LAMA3: variants seen among roughly 807,000 people sequenced by gnomAD.
LAMA3 encodes the protein laminin subunit alpha-3.
In LAMA3, 281 loss-of-function variants were observed where a neutral mutation model predicts 402.0. The ratio of observed to expected loss-of-function variants is 0.70; its 90% confidence interval spans 0.63 to 0.77. The LOEUF is 0.77. LAMA3 is among the 30% of genes least tolerant of loss of function. The pLI, the probability that LAMA3 is intolerant of heterozygous loss-of-function variation, is 0.00. For synonymous variants in LAMA3, 1,431 were observed against 1,558.4 expected, an observed-to-expected ratio of 0.92 and a Z score of 1.93; for missense variants, 3,840 against 4,215.5, an observed-to-expected ratio of 0.91 and a Z score of 2.47.
At chr18:23,915,553 C>T in intron 59 of LAMA3, 131 bp downstream of exon 59, 2 of 830,112 alleles carry the variant, frequency 2.4e-6, no homozygotes, top group Middle Eastern at 3.2e-4. Flanking sequence ...AGTAGTTCTT[C>T]AAGTATGTGT....
chr18:23,801,561 A>G (rs565758674), intron 12 of LAMA3, among the ~76,000 whole-genome samples: 2 of 152,342 alleles, frequency 1.3e-5, no homozygotes, highest in East Asian at 3.9e-4. Context: ...ATAGATACTC[A>G]GTAGTGAGAT....
At chr18:23,767,578 C>CCTTTTTTTTTTTTTTTTTTTTTTTTTT (rs781431700) in intron 8 of LAMA3, among the ~76,000 whole-genome samples, 1 of 125,806 alleles carries the variant, frequency 7.9e-6, no homozygotes, top group African/African-American at 3.0e-5. Flanking sequence ...TCTTTCTTTT[C>CCTTTTTTTTTTTTTTTTTTTTTTTTTT]TTTTTTTTTT....
At chr18:23,935,427 G>A (rs1154238) in intron 67 of LAMA3, among the ~76,000 whole-genome samples, 133,765 of 152,256 alleles carry the variant, frequency 0.88, 59,742 homozygotes, top group Non-Finnish European at 0.97. Flanking sequence ...TGTGGAAAAC[G>A]TCAGCGAATA....
intron 1 of LAMA3, among the ~76,000 whole-genome samples, chr18:23,708,942 T>A (rs992841306): frequency 5.2e-5 from 7 of 135,338 alleles, no homozygotes; most frequent in African/African-American, 8.1e-5. Flanking sequence ...AAAAAAAAAA[T>A]GTTTTTCTTG....
At chr18:23,770,504 G>A (rs1188285254) in intron 8 of LAMA3, among the ~76,000 whole-genome samples, 1 of 152,222 alleles carries the variant, frequency 6.6e-6, no homozygotes, top group Admixed American at 6.5e-5. Flanking sequence ...GCTCACGCCT[G>A]TAATCCCAGC....
chr18:23,915,676 G>A (rs2081586383), intron 59 of LAMA3, among the ~76,000 whole-genome samples: 1 of 151,974 alleles, frequency 6.6e-6, no homozygotes. Context: ...GAAAATTTTT[G>A]TGCCTCCTAC....
chr18:23,746,024 T>C (rs989765385), intron 2 of LAMA3, among the ~76,000 whole-genome samples: 1 of 152,228 alleles, frequency 6.6e-6, no homozygotes, highest in Admixed American at 6.5e-5. Flanking sequence ...CTTCACTACA[T>C]AATAATGGGA....
intron 50 of LAMA3, 102 bp downstream of exon 50, chr18:23,904,189 A>G (rs1357107071): frequency 7.3e-7 from 1 of 1,371,372 alleles, no homozygotes; most frequent in East Asian, 2.3e-5. Context: ...GGTCTCCAGA[A>G]CTGGGTGGAG....
intron 70 of LAMA3, 69 bp from the exon 71 acceptor site, chr18:23,949,696 T>A: frequency 6.7e-7 from 1 of 1,503,720 alleles, no homozygotes; most frequent in Non-Finnish European, 9.3e-7. Flanking sequence ...GCAGTGCCCT[T>A]CGCCTTGGCT....
intron 29 of LAMA3, among the ~76,000 whole-genome samples, chr18:23,844,313 A>G (rs1351313131): frequency 6.6e-6 from 1 of 152,236 alleles, no homozygotes; most frequent in Non-Finnish European, 1.5e-5. Context: ...ACCAAGTATG[A>G]TGAAAGCTCT....
chr18:23,813,349 G>A (rs1219417468), intron 14 of LAMA3, among the ~76,000 whole-genome samples: 1 of 151,670 alleles, frequency 6.6e-6, no homozygotes, highest in Non-Finnish European at 1.5e-5. Context: ...CTGCAGGTTT[G>A]TAGGTTACTC....
At chr18:23,891,781 G>A (rs1196516310) in intron 42 of LAMA3, among the ~76,000 whole-genome samples, 1 of 152,170 alleles carries the variant, frequency 6.6e-6, no homozygotes, top group Non-Finnish European at 1.5e-5. Flanking sequence ...GTGTGGTGTG[G>A]CCCCTAAGAT....
At chr18:23,852,856 TG>T (rs1254102912) in intron 32 of LAMA3, among the ~76,000 whole-genome samples, 1 of 152,228 alleles carries the variant, frequency 6.6e-6, no homozygotes, top group Non-Finnish European at 1.5e-5. Flanking sequence ...TTTTTGTCTG[TG>T]TTCTGTTCTC....
At chr18:23,695,387 G>A (rs2060665276) in intron 1 of LAMA3, among the ~76,000 whole-genome samples, 1 of 152,176 alleles carries the variant, frequency 6.6e-6, no homozygotes, top group Non-Finnish European at 1.5e-5. Flanking sequence ...CAGCAGAGAG[G>A]GGACCCTGCA....
intron 1 of LAMA3, among the ~76,000 whole-genome samples, chr18:23,691,618 C>T (rs1308534851): frequency 1.3e-5 from 2 of 152,208 alleles, no homozygotes; most frequent in Non-Finnish European, 2.9e-5. Context: ...ATTACCCAGG[C>T]TGGAGTGCAG....
At chr18:23,783,773 G>T (rs1240476959) in intron 11 of LAMA3, among the ~76,000 whole-genome samples, 1 of 151,988 alleles carries the variant, frequency 6.6e-6, no homozygotes, top group Non-Finnish European at 1.5e-5. Flanking sequence ...GTTTCCACAG[G>T]AATAGATGTT....
chr18:23,894,441 T>C (rs1457121007), intron 43 of LAMA3, 93 bp downstream of exon 43: 1 of 1,162,550 alleles, frequency 8.6e-7, no homozygotes, highest in African/African-American at 1.5e-5. Flanking sequence ...GTTTCCAGTC[T>C]GGGAAAGTAA....
At chr18:23,766,532 A>G (rs1195524801) in intron 8 of LAMA3, among the ~76,000 whole-genome samples, 1 of 152,146 alleles carries the variant, frequency 6.6e-6, no homozygotes, top group South Asian at 2.1e-4. Flanking sequence ...GCAAATATAA[A>G]GTACTATTTA....
rs769710518 is a variant in LAMA3, at chr18:23,890,045, T to C, written c.5338T>C (p.Phe1780Leu). The C allele has an allele frequency of 6.2e-7, 1 of 1,614,014 alleles. No individual in the cohort carries two copies. Among genetic ancestry groups the C allele is most frequent in the African/African-American group, 1.3e-5 (1 of 74,916 alleles). The part of the protein sequence containing the change: ...APGYFGNPQK[F>L]GGSCQPCSCN... ...GGGATATTTCGGGAATCCCCAGAAA[T>C]TCGGAGGTAGCTGCCAACCATGCAG... The change falls in exon 42 of 75, where the codon TTC (phenylalanine) becomes CTC (leucine). Residue 1780 changes from phenylalanine (F) to leucine (L), a missense_variant. By Grantham distance (22) the Phe-to-Leu change is conservative. Around this residue, in one of 3 missense-constraint regions of LAMA3, gnomAD observed 2,109 missense variants for 2,376.0 expected, o/e 0.89. Coordinates refer to ENST00000313654, the MANE Select transcript of LAMA3 (RefSeq NM_198129.4).
Sources: allele counts gnomAD v4.1 joint callset (sites outside exome capture counted in the v4.1 genomes callset), GRCh38; gene constraint gnomAD v4.1.1; regional missense constraint gnomAD v4.1.1; transcripts MANE v1.5; gene names NCBI Gene and HGNC (gene_info 2026-07-23, HGNC 2026-07-21).